Variants in DYNC2LI1 observed in about 807,000 individuals in gnomAD.
The protein encoded by DYNC2LI1 is dynein cytoplasmic 2 light intermediate chain 1, also known as cytoplasmic dynein 2 light intermediate chain 1.
DYNC2LI1 carries 45 observed loss-of-function variants against 51.9 expected under a neutral mutation model. That is an observed-to-expected ratio of 0.87 (90% CI 0.68 to 1.11). DYNC2LI1 has a LOEUF of 1.11. DYNC2LI1 is among the 50% of genes most tolerant of loss of function. The pLI is 0.00. For synonymous variants in DYNC2LI1, 130 were observed against 137.8 expected (o/e 0.94, Z 0.40); for missense variants, 490 against 417.4 (o/e 1.17, Z -1.51).
downstream of DYNC2LI1, chr2:43,813,119 C>T: frequency 2.5e-6 from 3 of 1,180,432 alleles, no homozygotes; most frequent in Non-Finnish European, 3.8e-6. Context: ...GCTTTCACTA[C>T]CTGCTAATGA....
chr2:43,816,923 T>C, the DYNC2LI1 span, among the ~76,000 whole-genome samples: 1 of 152,214 alleles, frequency 6.6e-6, no homozygotes, highest in East Asian at 1.9e-4. Context: ...TGCATGATTT[T>C]GTAAGCAGAA....
rs1451343554 is a variant in DYNC2LI1, at chr2:43,789,728, G to T, written c.320+7G>T. 1 of 1,611,526 alleles carries T rather than the reference G, an allele frequency of 6.2e-7. No homozygotes were observed. The highest frequency in any genetic ancestry group is 1.7e-5 in the Admixed American group (1 of 59,564). The stretch of plus-strand genomic sequence containing the variant: ...TCACAGGTGACACCTTACGGTAAGT[G>T]AGCCAGCTCCAGGAAAACCTGTAAG... On this transcript the variant is annotated splice_region_variant and intron_variant, in intron 5 of 12. Transcript: ENST00000260605.
chr2:43,787,157 A>G, intron 3 of DYNC2LI1, 24 bp from the exon 4 acceptor site: 1 of 1,585,550 alleles, frequency 6.3e-7, no homozygotes, highest in South Asian at 1.1e-5. Flanking sequence ...TACAATGATA[A>G]TACTATCGGC....
chr2:43,813,834 C>T (rs1666643788), downstream of DYNC2LI1, among the ~76,000 whole-genome samples: 1 of 146,702 alleles, frequency 6.8e-6, no homozygotes, highest in Non-Finnish European at 1.5e-5. Context: ...TCTCATGCTT[C>T]AGCCTCCTGT....
At chr2:43,827,897 G>A in the DYNC2LI1 span, 73 of 1,579,850 alleles carry the variant, frequency 4.6e-5, 2 homozygotes, top group South Asian at 7.8e-4. Context: ...TTCCAAATGA[G>A]GACCGTGAAG....
downstream of DYNC2LI1, among the ~76,000 whole-genome samples, chr2:43,813,464 G>C (rs1666593571): frequency 6.6e-6 from 1 of 152,136 alleles, no homozygotes; most frequent in Non-Finnish European, 1.5e-5. Flanking sequence ...AGAGTGAGCA[G>C]TTCTGGCCTT....
chr2:43,826,892 T>C, the DYNC2LI1 span, among the ~76,000 whole-genome samples: 4 of 152,176 alleles, frequency 2.6e-5, no homozygotes, highest in Non-Finnish European at 5.9e-5. Context: ...GACAACCCCA[T>C]TTCATGTCTG....
chr2:43,823,834 T>C, the DYNC2LI1 span: 3 of 1,520,406 alleles, frequency 2.0e-6, no homozygotes, highest in Non-Finnish European at 2.7e-6. Context: ...CTTATAATGG[T>C]AGACTTTTGT....
At chr2:43,806,698 T>C (rs982974255) in intron 12 of DYNC2LI1, among the ~76,000 whole-genome samples, 1 of 152,204 alleles carries the variant, frequency 6.6e-6, no homozygotes, top group Admixed American at 6.5e-5. Flanking sequence ...TTCATATACA[T>C]CAGTATTATT....
At chr2:43,803,550 G>A (rs532718339) in intron 10 of DYNC2LI1, among the ~76,000 whole-genome samples, 24 of 152,120 alleles carry the variant, frequency 1.6e-4, no homozygotes, top group African/African-American at 5.6e-4. Context: ...GGGAGGGGTC[G>A]GGAAGGAGGA....
At chr2:43,796,387 C>T (rs1178521527) in intron 7 of DYNC2LI1, among the ~76,000 whole-genome samples, 1 of 151,694 alleles carries the variant, frequency 6.6e-6, no homozygotes, top group Non-Finnish European at 1.5e-5. Context: ...GACTTACTTC[C>T]CAACTTTTAA....
At chr2:43,792,608 C>T in intron 5 of DYNC2LI1, 1 of 1,457,204 alleles carries the variant, frequency 6.9e-7, no homozygotes, top group African/African-American at 1.4e-5. Context: ...ATCTCCAGAA[C>T]TTTTTGATCT....
intron 3 of DYNC2LI1, among the ~76,000 whole-genome samples, chr2:43,785,420 A>G (rs1435634934): frequency 6.6e-6 from 1 of 151,876 alleles, no homozygotes; most frequent in Non-Finnish European, 1.5e-5. Flanking sequence ...GCTAAGTTAA[A>G]TGAGCCAGAA....
the DYNC2LI1 span, chr2:43,819,843 CT>C: frequency 6.6e-7 from 1 of 1,521,714 alleles, no homozygotes; most frequent in Non-Finnish European, 9.1e-7. Context: ...TATTCCTTTA[CT>C]TCAGTCATTA....
intron 8 of DYNC2LI1, among the ~76,000 whole-genome samples, chr2:43,800,162 A>G (rs1183209612): frequency 6.6e-6 from 1 of 152,178 alleles, no homozygotes; most frequent in Admixed American, 6.5e-5. Context: ...AAAGATCTGT[A>G]GGGTAACCAT....
intron 3 of DYNC2LI1, among the ~76,000 whole-genome samples, chr2:43,785,078 G>T (rs1276156987): frequency 6.6e-6 from 1 of 151,602 alleles, no homozygotes; most frequent in Non-Finnish European, 1.5e-5. Context: ...CAGGCGGATC[G>T]CTTGAACTCA....
At chr2:43,815,078 A>C in the DYNC2LI1 span, among the ~76,000 whole-genome samples, 1 of 152,182 alleles carries the variant, frequency 6.6e-6, no homozygotes, top group Non-Finnish European at 1.5e-5. Context: ...ACACATACCA[A>C]TTGGAGGAGG....
intron 3 of DYNC2LI1, among the ~76,000 whole-genome samples, chr2:43,785,474 C>A (rs1673482029): frequency 6.6e-6 from 1 of 152,008 alleles, no homozygotes; most frequent in African/African-American, 2.4e-5. Context: ...TGGCTCACAC[C>A]TGTAATCCCA....
rs765666851 is a variant in DYNC2LI1 at position 43,789,670 on chromosome 2, G to A, written c.269G>A (p.Gly90Glu). ...DIAHFWELGGGTSLLDLISIP... is the reference protein window; with the variant it reads ...DIAHFWELGGETSLLDLISIP... ...GCTCACTTTTGGGAACTCGGTGGAG[G>A]AACCTCTTTATTGGACTTAATCAGC... Residue 90 changes from glycine to glutamate, a missense_variant, in exon 5 of 13, where the codon GGA (glycine) becomes GAA (glutamate). Coordinates refer to ENST00000260605, the MANE Select transcript of DYNC2LI1 (RefSeq NM_016008.4). The A allele has an allele frequency of 6.2e-7, 1 of 1,613,830 alleles. No individual in the cohort carries two copies. The highest frequency in any genetic ancestry group is 8.5e-7 in the Non-Finnish European group (1 of 1,179,898).
Sources: allele counts gnomAD v4.1 joint callset (sites outside exome capture counted in the v4.1 genomes callset), GRCh38; gene constraint gnomAD v4.1.1; transcripts MANE v1.5; gene names NCBI Gene and HGNC (gene_info 2026-07-23, HGNC 2026-07-21).